Variants in KRT8 observed in about 807,000 individuals in gnomAD.
KRT8 encodes the protein keratin 8, also known as keratin, type II cytoskeletal 8.
KRT8 carries 24 observed loss-of-function variants against 43.0 expected under a neutral mutation model. The observed-to-expected ratio is 0.56, with a 90% confidence interval of 0.40 to 0.78. The LOEUF (loss-of-function observed/expected upper bound fraction) is 0.78, where lower values mean the gene tolerates loss of function less well. Among genes scored for constraint, KRT8 ranks in the 30% least tolerant of loss-of-function variants. KRT8 has a pLI of 0.00. For synonymous variants in KRT8, 214 were observed against 261.2 expected (o/e 0.82, Z 1.74); for missense variants, 492 against 638.4 (o/e 0.77, Z 2.47).
intron 2 of KRT8, chr12:52,949,325 C>T (rs1394324153): frequency 1.2e-6 from 2 of 1,610,654 alleles, no homozygotes; most frequent in South Asian, 2.2e-5. Context: ...GTGTCCCGCT[C>T]CACCAGCTTC....
intron 2 of KRT8, among the ~76,000 whole-genome samples, chr12:52,913,081 G>A (rs542207418): frequency 5.9e-5 from 9 of 152,322 alleles, no homozygotes; most frequent in African/African-American, 7.2e-5. Flanking sequence ...CATCAGACCT[G>A]GAAGCCATAA....
chr12:52,913,514 C>A (rs1220092604), intron 2 of KRT8, among the ~76,000 whole-genome samples: 1 of 152,184 alleles, frequency 6.6e-6, no homozygotes, highest in African/African-American at 2.4e-5. Context: ...ATGCATGTAT[C>A]CATATAAATA....
At chr12:52,905,641 G>C (rs554198402), upstream of KRT8, among the ~76,000 whole-genome samples, 1 of 152,198 alleles carries the variant, frequency 6.6e-6, no homozygotes, top group East Asian at 1.9e-4. Context: ...CTAGCACCTG[G>C]TGCAGTGCCA....
chr12:52,927,738 C>T (rs902263926), intron 2 of KRT8, among the ~76,000 whole-genome samples: 15 of 152,230 alleles, frequency 9.9e-5, no homozygotes, highest in African/African-American at 3.4e-4. Flanking sequence ...CTCCCAGTCC[C>T]TCCATGTGTC....
rs552778446 is a variant in KRT8 at position 52,940,757 on chromosome 12, C to G, written c.-47+8699G>C. On this transcript the variant is annotated intron_variant, in intron 2 of 6. Coordinates refer to the KRT8 transcript ENST00000546826. Reference sequence around the variant, plus strand: ...TCTCTTGCCTCAGCCTCCTGAGTAGCTGGGACTACAGGCGCCCATCCCCAT... The same window carrying G: ...TCTCTTGCCTCAGCCTCCTGAGTAGGTGGGACTACAGGCGCCCATCCCCAT... 1.4e-4 allele frequency among the ~76,000 whole-genome samples: 21 copies of G among 151,392 alleles called. No homozygotes were observed. The East Asian group carries it at 4.2e-3, about 30-fold the overall frequency.
At chr12:52,913,056 G>A (rs145400874) in intron 2 of KRT8, among the ~76,000 whole-genome samples, 1 of 152,346 alleles carries the variant, frequency 6.6e-6, no homozygotes, top group East Asian at 1.9e-4. Context: ...GTTGAGGCTT[G>A]GGATCAAGGG....
chr12:52,922,401 G>A (rs984303241), intron 2 of KRT8, among the ~76,000 whole-genome samples: 2 of 152,146 alleles, frequency 1.3e-5, no homozygotes, highest in East Asian at 1.9e-4. Flanking sequence ...GGCCAGGCAC[G>A]GTGGCTCACG....
intron 2 of KRT8, among the ~76,000 whole-genome samples, chr12:52,924,420 G>C (rs987437551): frequency 4.0e-5 from 6 of 150,048 alleles, no homozygotes; most frequent in African/African-American, 1.5e-4. Context: ...CTGCACTCCA[G>C]CCTGGGCGAC....
At chr12:52,904,703 C>T (rs61730608) in exon 1 of KRT8, 72 of 1,612,884 alleles carry the variant, frequency 4.5e-5, no homozygotes, top group Non-Finnish European at 6.0e-5. Context: ...TCTTGATCTG[C>T]TCCTTCTCCT....
At position 52,923,713 on chromosome 12, in the gene KRT8, C is replaced by G. The variant is rs181581291; in HGVS notation, c.-46-18686G>C. Among the ~76,000 whole-genome samples the G allele has an allele frequency of 1.5e-4, 22 of 151,488 alleles. No individual in the cohort carries two copies. In the East Asian group the frequency reaches 3.9e-3, roughly 27 times the overall value. Reference sequence around the variant, plus strand: ...GATTACAGGCGTGAGCCACCACGCCCGGCTCTAAATTATTTTTATTACTAA... The same window carrying G: ...GATTACAGGCGTGAGCCACCACGCCGGGCTCTAAATTATTTTTATTACTAA... On this transcript the variant is annotated intron_variant, in intron 2 of 6. Coordinates refer to the KRT8 transcript ENST00000546826.
At chr12:52,943,150 G>A (rs189302369) in intron 2 of KRT8, among the ~76,000 whole-genome samples, 3 of 152,228 alleles carry the variant, frequency 2.0e-5, no homozygotes, top group South Asian at 2.1e-4. Context: ...TAAGGCAACC[G>A]TCCATCAGTT....
At chr12:52,917,664 G>A (rs948621016) in intron 2 of KRT8, among the ~76,000 whole-genome samples, 1 of 147,006 alleles carries the variant, frequency 6.8e-6, no homozygotes, top group African/African-American at 2.5e-5. Flanking sequence ...AGACAAGATT[G>A]TGCCATTGCA....
exon 2 of KRT8, chr12:52,949,467 G>A (rs750541227): frequency 1.2e-6 from 2 of 1,613,452 alleles, no homozygotes; most frequent in South Asian, 2.2e-5. Context: ...TGGACAGAGT[G>A]AGGAGCCTGG....
At chr12:52,899,837 T>G (rs1941318838) in exon 5 of KRT8, 1 of 1,612,142 alleles carries the variant, frequency 6.2e-7, no homozygotes, top group Non-Finnish European at 8.5e-7. Flanking sequence ...ATCTCAGAGA[T>G]CTCAGTCTTT....
intron 2 of KRT8, among the ~76,000 whole-genome samples, chr12:52,925,636 G>C (rs937045515): frequency 6.6e-6 from 1 of 152,150 alleles, no homozygotes; most frequent in Non-Finnish European, 1.5e-5. Flanking sequence ...CTCCACAAAG[G>C]CTAAGGCTTT....
intron 2 of KRT8, among the ~76,000 whole-genome samples, chr12:52,922,047 G>A (rs2120663879): frequency 6.6e-6 from 1 of 151,814 alleles, no homozygotes; most frequent in South Asian, 2.1e-4. Context: ...CAGGCAGAGT[G>A]GTGCACACCT....
rs369873879 is a variant in KRT8, at chr12:52,899,960, G to A, written c.796C>T (p.Gln266Ter). The A allele has an allele frequency of 4.3e-6, 7 of 1,613,410 alleles. No individual in the cohort carries two copies. Among genetic ancestry groups the A allele is most frequent in the South Asian group, 1.1e-5 (1 of 91,046 alleles). ...CTGCGGTTGGCAATATCCTCGTACT[G>A]TGCCTTGACCTCAGCAATGATGCTG... The change falls in exon 5 of 8, where the codon CAG becomes TAG. Residue 266 changes from glutamine to a stop codon, truncating the protein, a stop_gained. Coordinates refer to ENST00000692008, the Ensembl canonical transcript of KRT8. LOFTEE classifies it high-confidence loss of function.
At chr12:52,931,204 A>C (rs1360816239) in intron 2 of KRT8, among the ~76,000 whole-genome samples, 1 of 151,920 alleles carries the variant, frequency 6.6e-6, no homozygotes, top group Non-Finnish European at 1.5e-5. Context: ...AGTAGCTGGG[A>C]CTACAGGCAC....
chr12:52,939,590 C>T (rs1320977197), intron 2 of KRT8, among the ~76,000 whole-genome samples: 3 of 151,938 alleles, frequency 2.0e-5, no homozygotes, highest in East Asian at 1.9e-4. Context: ...GGCATGGTGG[C>T]GTATACCCGC....
Sources: gnomAD v4.1 joint callset for allele counts (sites outside exome capture counted in the v4.1 genomes callset) on GRCh38, gnomAD v4.1.1 for gene constraint, MANE v1.5 for transcripts, NCBI Gene and HGNC (gene_info 2026-07-23, HGNC 2026-07-21) for gene names.